Variants in ATE1 observed in about 807,000 individuals in gnomAD.
ATE1 encodes arginyl-tRNA--protein transferase 1.
In ATE1, 36 loss-of-function variants were observed where a neutral mutation model predicts 70.5. That is an observed-to-expected ratio of 0.51 (90% CI 0.39 to 0.67). The LOEUF (loss-of-function observed/expected upper bound fraction) is 0.67, where lower values mean the gene tolerates loss of function less well. ATE1 is among the 30% of genes least tolerant of loss of function. The pLI is 0.00. For synonymous variants in ATE1, 232 were observed against 219.3 expected, an observed-to-expected ratio of 1.06 and a Z score of -0.51; for missense variants, 593 against 629.5, an observed-to-expected ratio of 0.94 and a Z score of 0.62.
chr10:121,913,342 T>C (rs761566631), intron 4 of ATE1, among the ~76,000 whole-genome samples: 11 of 152,240 alleles, frequency 7.2e-5, no homozygotes, highest in Non-Finnish European at 1.2e-4. Flanking sequence ...CAGTATAATT[T>C]ACTGAAGTAA....
intron 11 of ATE1, among the ~76,000 whole-genome samples, chr10:121,786,362 C>T (rs966746676): frequency 6.6e-5 from 10 of 151,786 alleles, no homozygotes; most frequent in African/African-American, 1.5e-4. Flanking sequence ...AAAATAATAA[C>T]GCTTTTCTGT....
At chr10:121,797,853 T>TA (rs1946721061) in intron 10 of ATE1, among the ~76,000 whole-genome samples, 1 of 152,202 alleles carries the variant, frequency 6.6e-6, no homozygotes, top group Admixed American at 6.5e-5. Flanking sequence ...CTATCCTCCC[T>TA]ACCGTTTTAC....
At chr10:121,873,742 T>C (rs2134048970) in intron 7 of ATE1, among the ~76,000 whole-genome samples, 1 of 151,690 alleles carries the variant, frequency 6.6e-6, no homozygotes, top group African/African-American at 2.4e-5. Context: ...CTCTTTGTAA[T>C]ATAAACTATT....
At chr10:121,873,956 T>C (rs1564916006) in intron 7 of ATE1, among the ~76,000 whole-genome samples, 1 of 152,156 alleles carries the variant, frequency 6.6e-6, no homozygotes, top group African/African-American at 2.4e-5. Flanking sequence ...CCAAATCTTA[T>C]AACTAGTCAT....
At position 121,902,442 on chromosome 10, in the gene ATE1, G is replaced by C. The variant is rs189251596; in HGVS notation, c.762C>G (p.Leu254=). ...GTAAAGACTCAAAAATTAAATCTTC[G>C]AGTGATTTTGGCTGGTTGGATTTAG... ...PKAKSNQPKS[L]EDLIFESLPE... is the part of the protein sequence containing the mutation. The change falls in exon 6 of 12, where the codon CTC becomes CTG. Residue 254 remains leucine, a synonymous_variant. Coordinates refer to ENST00000224652, the MANE Select transcript of ATE1 (RefSeq NM_001001976.3). 2.1e-5 allele frequency: 34 copies of C among 1,614,038 alleles called. No individual in the cohort carries two copies. The highest frequency in any genetic ancestry group is 2.7e-5 in the Non-Finnish European group (32 of 1,180,040).
At chr10:121,828,453 G>A (rs1484301781) in intron 10 of ATE1, among the ~76,000 whole-genome samples, 1 of 152,202 alleles carries the variant, frequency 6.6e-6, no homozygotes, top group African/African-American at 2.4e-5. Context: ...TTCAGCTTGA[G>A]TGGAGCTGAA....
At chr10:121,753,485 T>G (rs746575598) in intron 11 of ATE1, among the ~76,000 whole-genome samples, 22 of 152,210 alleles carry the variant, frequency 1.4e-4, no homozygotes, top group Non-Finnish European at 2.8e-4. Flanking sequence ...CAGGTTAATT[T>G]TGATATTATG....
chr10:121,903,202 T>TA (rs1260641263), intron 5 of ATE1, among the ~76,000 whole-genome samples: 78 of 144,840 alleles, frequency 5.4e-4, no homozygotes, highest in East Asian at 2.1e-3. Flanking sequence ...ATATCTTTTT[T>TA]TAAAAAAAAA....
chr10:121,799,490 T>A (rs78325711), intron 10 of ATE1, among the ~76,000 whole-genome samples: 6,010 of 151,458 alleles, frequency 0.04, 174 homozygotes, highest in Middle Eastern at 0.096. Context: ...CCAAGACCCA[T>A]ACAGCTGTCT....
chr10:121,920,949 G>A (rs527431606), intron 3 of ATE1, among the ~76,000 whole-genome samples: 15 of 151,264 alleles, frequency 9.9e-5, no homozygotes, highest in Admixed American at 2.6e-4. Flanking sequence ...AGCCGAGATC[G>A]CGCCATTGCA....
rs1220393757 is a variant in ATE1, at chr10:121,926,643, TA to T, written c.106+1200del. On this transcript the variant is annotated intron_variant, in intron 1 of 11. Transcript: ENST00000224652. The stretch of plus-strand genomic sequence containing the variant: ...ATATTAATTTTAGGCACGTTTAATG[TA>T]ACTTATTGATTTGATAAATATTATA... The T allele has an allele frequency of 1.6e-5, 13 of 825,890 alleles. No individual in the cohort carries two copies. In the African/African-American group the frequency reaches 2.4e-4, roughly 15 times the overall value. The allele number at this position is 825,890 out of a possible 1,614,324, so 51.2% of individuals were successfully genotyped here. A position where few individuals can be genotyped will look rare whatever the true frequency, so the allele number is the denominator to read the frequency against.
At chr10:121,856,746 C>G (rs1267765452) in intron 8 of ATE1, among the ~76,000 whole-genome samples, 1 of 152,138 alleles carries the variant, frequency 6.6e-6, no homozygotes, top group Non-Finnish European at 1.5e-5. Context: ...AAAAATGGTG[C>G]TGGAAAAATG....
At chr10:121,796,705 C>T (rs1590325602) in intron 10 of ATE1, among the ~76,000 whole-genome samples, 2 of 152,178 alleles carry the variant, frequency 1.3e-5, no homozygotes, top group East Asian at 3.9e-4. Context: ...GAATGAAAAT[C>T]TAGGAAATGC....
chr10:121,751,326 G>C (rs1944569844), intron 11 of ATE1, among the ~76,000 whole-genome samples: 1 of 152,210 alleles, frequency 6.6e-6, no homozygotes, highest in African/African-American at 2.4e-5. Context: ...AGGACTTACA[G>C]TGTATTCACA....
intron 5 of ATE1, 150 bp from the exon 6 acceptor site, chr10:121,902,770 C>A: frequency 1.3e-6 from 1 of 761,432 alleles, no homozygotes; most frequent in Non-Finnish European, 2.0e-6. Flanking sequence ...TGATACAGAG[C>A]TGTAAGTGGA....
chr10:121,824,797 A>G (rs1947941324), intron 10 of ATE1, among the ~76,000 whole-genome samples: 1 of 150,856 alleles, frequency 6.6e-6, no homozygotes, highest in Non-Finnish European at 1.5e-5. Context: ...AATATGGGGG[A>G]AAAAATTTAA....
chr10:121,789,153 G>C (rs148000182), intron 11 of ATE1, among the ~76,000 whole-genome samples: 13 of 152,270 alleles, frequency 8.5e-5, no homozygotes, highest in African/African-American at 3.1e-4. Context: ...CCTCATTACA[G>C]CTAGTAGGTC....
chr10:121,809,264 C>T (rs1319448264), intron 10 of ATE1, among the ~76,000 whole-genome samples: 1 of 151,534 alleles, frequency 6.6e-6, no homozygotes, highest in African/African-American at 2.4e-5. Context: ...AAATGTCTCT[C>T]AAATAGCCAG....
rs1228526413 is a variant in ATE1, at chr10:121,927,986, G to A, written c.-37C>T. On this transcript the variant is annotated 5_prime_UTR_variant, in exon 1 of 12. Transcript: ENST00000224652. ...CGCGAACGCTCAGCCGCCCGGCCCC[G>A]CGTCGCTAGCGCGGCCGCCGCCGCC... 2.1e-6 allele frequency: 3 copies of A among 1,433,690 alleles called. No individual in the cohort carries two copies. The highest frequency in any genetic ancestry group is 3.0e-5 in the East Asian group (1 of 33,194). The allele number at this position is 1,433,690 out of a possible 1,614,324, so 88.8% of individuals were successfully genotyped here. A position where few individuals can be genotyped will look rare whatever the true frequency, so the allele number is the denominator to read the frequency against.
Sources: allele counts gnomAD v4.1 joint callset (sites outside exome capture counted in the v4.1 genomes callset), GRCh38; gene constraint gnomAD v4.1.1; transcripts MANE v1.5; gene names NCBI Gene and HGNC (gene_info 2026-07-23, HGNC 2026-07-21).